The following TAF1 variants were observed in gnomAD, a reference collection of about 807,000 sequenced individuals.
The protein encoded by TAF1 is TATA-box binding protein associated factor 1.
A neutral mutation model predicts 138.5 loss-of-function variants in TAF1; 2 were observed. That is an observed-to-expected ratio of 0.01 (90% CI 0.01 to 0.05). The LOEUF is 0.05. TAF1 is among the 10% of genes least tolerant of loss of function. The pLI, the probability that TAF1 is intolerant of heterozygous loss-of-function variation, is 1.00. For synonymous variants in TAF1, 437 were observed against 503.2 expected, an observed-to-expected ratio of 0.87 and a Z score of 1.76; for missense variants, 709 against 1,478.0, an observed-to-expected ratio of 0.48 and a Z score of 8.53.
intron 28 of TAF1, chrX:71,413,907 C>A (rs1449231499): frequency 8.9e-6 from 1 of 111,750 alleles, no homozygotes; most frequent in African/African-American, 3.2e-5. Flanking sequence ...TCCTCTTGGC[C>A]AGCAGTGTCC....
chrX:71,440,829 A>G (rs1602681690), intron 32 of TAF1, among the ~76,000 whole-genome samples: 1 of 111,229 alleles, frequency 9.0e-6, no homozygotes, highest in East Asian at 2.8e-4. Flanking sequence ...TCTTAAAATT[A>G]TTTCCTCAAA....
At chrX:71,468,695 A>C (rs865928628), downstream of TAF1, among the ~76,000 whole-genome samples, 3 of 95,129 alleles carry the variant, frequency 3.2e-5, no homozygotes, top group African/African-American at 1.0e-4. Flanking sequence ...AAAAAAAAAA[A>C]AAAAAAATTG....
At chrX:71,479,128 A>C (rs2039030256) in intron 13 of TAF1, among the ~76,000 whole-genome samples, 1 of 112,834 alleles carries the variant, frequency 8.9e-6, no homozygotes, top group South Asian at 3.6e-4. Context: ...AAAAGGGAAA[A>C]CTATACATTG....
At chrX:71,376,191 C>T (rs1324876319) in intron 4 of TAF1, among the ~76,000 whole-genome samples, 2 of 112,044 alleles carry the variant, frequency 1.8e-5, no homozygotes, top group Non-Finnish European at 3.8e-5. Flanking sequence ...TTTTAACAGT[C>T]TGCTAAATGT....
chrX:71,451,731 G>A (rs773737197), intron 32 of TAF1, among the ~76,000 whole-genome samples: 6 of 109,898 alleles, frequency 5.5e-5, no homozygotes, highest in Non-Finnish European at 7.6e-5. Context: ...ATCTTGCACC[G>A]CCCTTAATCC....
In TAF1 at chrX:71,452,818, T is replaced by G. The variant is rs772562491; in HGVS notation, c.4754-1352T>G. Among the ~76,000 whole-genome samples the G allele has an allele frequency of 3.9e-3, 437 of 112,262 alleles. 2 individuals are homozygous for G. The highest frequency in any genetic ancestry group is 9.2e-3 in the Middle Eastern group (2 of 218). On this transcript the variant is annotated intron_variant, in intron 32 of 37. Transcript: ENST00000423759. ...CTCCGTCTGCAATCCCGGCACCTCG[T>G]GAGGCCGAGGCTGGCGGATCACTCG...
rs767953197 is a variant in TAF1, at chrX:71,511,505, T to C, written c.1367-17037T>C. Among the ~76,000 whole-genome samples, 20 of 112,768 alleles carry C rather than the reference T, an allele frequency of 1.8e-4. No individual in the cohort carries two copies. In the South Asian group the frequency reaches 6.9e-3, roughly 39 times the overall value. ...GAACCAGGATCATTTCAATCCCATCTTCAAGGAGTGAAAGGTTTTTTGGAA... is the reference window on the plus strand; with the variant it reads ...GAACCAGGATCATTTCAATCCCATCCTCAAGGAGTGAAAGGTTTTTTGGAA... On this transcript the variant is annotated intron_variant and NMD_transcript_variant, in intron 13 of 14. Coordinates refer to the TAF1 transcript ENST00000373775.
intron 13 of TAF1, among the ~76,000 whole-genome samples, chrX:71,524,019 CT>C (rs397895424): frequency 8.8e-3 from 669 of 76,352 alleles, no homozygotes; most frequent in Non-Finnish European, 0.013. Flanking sequence ...TGTAATAGTT[CT>C]TTTTTTTTTT....
At chrX:71,529,400 C>G (rs2040061909) in intron 14 of TAF1, 1 of 171,873 alleles carries the variant, frequency 5.8e-6, no homozygotes, top group Non-Finnish European at 1.1e-5. Context: ...CTGATTGGTG[C>G]ATTTACAATC....
intron 32 of TAF1, among the ~76,000 whole-genome samples, chrX:71,436,039 T>C (rs1175790815): frequency 1.5e-5 from 1 of 66,009 alleles, no homozygotes; most frequent in Non-Finnish European, 2.7e-5. Context: ...TGCTACCTCC[T>C]TTTTTTTTTT....
chrX:71,372,454 AAAAAG>A (rs1273000362), intron 3 of TAF1, among the ~76,000 whole-genome samples: 2 of 106,612 alleles, frequency 1.9e-5, no homozygotes, highest in Non-Finnish European at 3.9e-5. Context: ...AAAAAAAAAA[AAAAAG>A]ATAGCTAGGG....
intron 13 of TAF1, among the ~76,000 whole-genome samples, chrX:71,497,036 T>C (rs1014041784): frequency 8.9e-6 from 1 of 112,321 alleles, no homozygotes; most frequent in Non-Finnish European, 1.9e-5. Flanking sequence ...CTTTTTCCCT[T>C]TCCCAGTTCT....
intron 13 of TAF1, among the ~76,000 whole-genome samples, chrX:71,525,321 C>T (rs1318656950): frequency 2.7e-5 from 3 of 111,962 alleles, no homozygotes; most frequent in Non-Finnish European, 5.6e-5. Flanking sequence ...GGATTACAGG[C>T]GTGAGCCACC....
chrX:71,420,124 A>T, intron 28 of TAF1: 2 of 484,954 alleles, frequency 4.1e-6, no homozygotes, highest in Admixed American at 5.0e-5. Flanking sequence ...TGGCCTCTGT[A>T]GACGTGACCC....
intron 13 of TAF1, among the ~76,000 whole-genome samples, chrX:71,497,234 T>C (rs1481044221): frequency 9.0e-6 from 1 of 111,693 alleles, no homozygotes; most frequent in Admixed American, 9.6e-5. Context: ...TTCTAAGAGA[T>C]CCTCTCGGGT....
At position 71,366,406 on chromosome X, in the gene TAF1, C is replaced by T; in HGVS notation, c.32C>T (p.Ala11Val). 1 of 1,207,816 alleles carries T rather than the reference C, an allele frequency of 8.3e-7. No individual in the cohort carries two copies. Among genetic ancestry groups the T allele is most frequent in the Non-Finnish European group, 1.1e-6 (1 of 894,082 alleles). Residue 11 changes from alanine to valine, a missense_variant, in exon 1 of 38, where the codon GCT becomes GTT. By Grantham distance (64) the Ala-to-Val change is moderately conservative (BLOSUM62 0). Transcript: ENST00000423759. MSDTDSDEDS[A>V]GGGPFSLAGF... ...GACACGGACAGCGACGAAGATTCCG[C>T]TGGAGGCGGCCCATTTTCTTTAGCG...
intron 13 of TAF1, among the ~76,000 whole-genome samples, chrX:71,488,152 C>T (rs1026633727): frequency 9.1e-6 from 1 of 110,304 alleles, no homozygotes; most frequent in Admixed American, 9.7e-5. Flanking sequence ...CTGGTGGGAA[C>T]ACAAACTATT....
intron 4 of TAF1, 58 bp from the exon 5 acceptor site, chrX:71,376,892 A>C (rs1298700431): frequency 8.4e-7 from 1 of 1,188,309 alleles, no homozygotes; most frequent in Non-Finnish European, 1.1e-6. Flanking sequence ...GTGTTTGCGG[A>C]ATTCGAGGAA....
intron 24 of TAF1, among the ~76,000 whole-genome samples, chrX:71,401,069 C>T (rs935366201): frequency 1.1e-4 from 12 of 112,405 alleles, no homozygotes; most frequent in Non-Finnish European, 2.1e-4. Flanking sequence ...TAGTTTACAA[C>T]TTAAATTGGG....
Sources: allele counts gnomAD v4.1 joint callset (sites outside exome capture counted in the v4.1 genomes callset), GRCh38; gene constraint gnomAD v4.1.1; transcripts MANE v1.5; gene names NCBI Gene and HGNC (gene_info 2026-07-23, HGNC 2026-07-21).